The following ARHGAP32 variants were observed in gnomAD, a reference collection of about 807,000 sequenced individuals.
ARHGAP32 encodes Rho GTPase activating protein 32, also known as rho GTPase-activating protein 32.
In ARHGAP32, 51 loss-of-function variants were observed where a neutral mutation model predicts 186.5. That is an observed-to-expected ratio of 0.27 (90% confidence interval 0.22 to 0.35). ARHGAP32 has a LOEUF of 0.35. ARHGAP32 is among the 10% of genes least tolerant of loss of function. The pLI, the probability that ARHGAP32 is intolerant of heterozygous loss-of-function variation, is 1.00. For synonymous variants in ARHGAP32, 950 were observed against 964.3 expected, an observed-to-expected ratio of 0.99 and a Z score of 0.27; for missense variants, 2,186 against 2,623.5, an observed-to-expected ratio of 0.83 and a Z score of 3.64.
intron 1 of ARHGAP32, among the ~76,000 whole-genome samples, chr11:129,183,876 T>C (rs899970824): frequency 6.6e-6 from 1 of 152,160 alleles, no homozygotes; most frequent in Non-Finnish European, 1.5e-5. Flanking sequence ...CTTCCAATCC[T>C]AGACTGCATA....
intron 6 of ARHGAP32, among the ~76,000 whole-genome samples, chr11:129,069,754 A>C (rs1403846774): frequency 6.8e-6 from 1 of 146,248 alleles, no homozygotes; most frequent in Non-Finnish European, 1.5e-5. Flanking sequence ...TCAACTCCAA[A>C]CATGTGTACA....
chr11:129,033,017 T>C (rs1939178502), intron 11 of ARHGAP32, among the ~76,000 whole-genome samples: 1 of 152,254 alleles, frequency 6.6e-6, no homozygotes, highest in Admixed American at 6.5e-5. Flanking sequence ...TTGAACTCTC[T>C]ACATGTATAC....
intron 1 of ARHGAP32, among the ~76,000 whole-genome samples, chr11:129,263,914 GA>G (rs963208565): frequency 1.4e-4 from 22 of 152,060 alleles, no homozygotes; most frequent in African/African-American, 5.3e-4. Flanking sequence ...CTGAAAACAG[GA>G]ACTCAAAGAG....
At chr11:129,049,808 T>C (rs1460434786) in intron 10 of ARHGAP32, among the ~76,000 whole-genome samples, 1 of 152,212 alleles carries the variant, frequency 6.6e-6, no homozygotes, top group Non-Finnish European at 1.5e-5. Context: ...TTTCCAGTTT[T>C]AAACTATTAC....
chr11:129,173,957 A>C (rs1943834076), intron 1 of ARHGAP32, among the ~76,000 whole-genome samples: 2 of 152,218 alleles, frequency 1.3e-5, no homozygotes. Flanking sequence ...CCAAATAGGA[A>C]CAGCTCCGGT....
intron 11 of ARHGAP32, among the ~76,000 whole-genome samples, chr11:129,040,124 T>G (rs187315027): frequency 1.7e-5 from 2 of 114,778 alleles, no homozygotes; most frequent in East Asian, 4.9e-4. Context: ...AGAATAACTG[T>G]TTTTTTTTTC....
At chr11:129,153,306 G>A (rs2439806) in intron 2 of ARHGAP32, among the ~76,000 whole-genome samples, 1 of 151,842 alleles carries the variant, frequency 6.6e-6, no homozygotes, top group African/African-American at 2.4e-5. Context: ...ATGACCATAC[G>A]GCCAAAAGCA....
intron 1 of ARHGAP32, among the ~76,000 whole-genome samples, chr11:129,249,821 A>G (rs1263683411): frequency 6.6e-6 from 1 of 152,174 alleles, no homozygotes; most frequent in African/African-American, 2.4e-5. Context: ...CAGCAATACT[A>G]GAAACAGCAA....
At chr11:128,996,124 TTTG>T (rs1946193173) in intron 12 of ARHGAP32, among the ~76,000 whole-genome samples, 1 of 152,194 alleles carries the variant, frequency 6.6e-6, no homozygotes, top group African/African-American at 2.4e-5. Flanking sequence ...GAAAAATAGC[TTTG>T]TTATTTTAAT....
intron 1 of ARHGAP32, among the ~76,000 whole-genome samples, chr11:129,179,779 C>T (rs1183224315): frequency 2.0e-5 from 3 of 150,550 alleles, no homozygotes; most frequent in African/African-American, 7.3e-5. Context: ...GAACATCACA[C>T]TCTGGGGACT....
intron 10 of ARHGAP32, among the ~76,000 whole-genome samples, chr11:129,049,062 C>T (rs1031893724): frequency 6.6e-6 from 1 of 151,846 alleles, no homozygotes; most frequent in East Asian, 1.9e-4. Context: ...TTTTAAGTTC[C>T]TTCTGTAGGA....
At chr11:129,201,436 C>G (rs1255279462) in intron 1 of ARHGAP32, among the ~76,000 whole-genome samples, 2 of 152,014 alleles carry the variant, frequency 1.3e-5, no homozygotes, top group Non-Finnish European at 2.9e-5. Context: ...TAGAAAAATA[C>G]TATAACGGTA....
chr11:128,988,852 A>T (rs914524672), intron 12 of ARHGAP32, among the ~76,000 whole-genome samples: 10 of 152,252 alleles, frequency 6.6e-5, no homozygotes, highest in African/African-American at 9.6e-5. Flanking sequence ...CAGAATTTTC[A>T]AAATATATGA....
intron 1 of ARHGAP32, among the ~76,000 whole-genome samples, chr11:129,250,472 A>C (rs1242826753): frequency 6.6e-6 from 1 of 152,236 alleles, no homozygotes; most frequent in Non-Finnish European, 1.5e-5. Flanking sequence ...AGCCATGATG[A>C]ATAAGGACAG....
chr11:129,138,042 A>T (rs922178385), intron 2 of ARHGAP32, among the ~76,000 whole-genome samples: 2 of 152,050 alleles, frequency 1.3e-5, no homozygotes, highest in Non-Finnish European at 2.9e-5. Flanking sequence ...AAATTTATAG[A>T]TAAAAGAAAA....
intron 1 of ARHGAP32, among the ~76,000 whole-genome samples, chr11:129,168,678 C>T (rs1371069482): frequency 6.6e-6 from 1 of 152,090 alleles, no homozygotes; most frequent in Non-Finnish European, 1.5e-5. Context: ...ACACAGAACA[C>T]TAAACCCAAC....
chr11:129,263,798 T>C (rs1314187650), intron 1 of ARHGAP32, among the ~76,000 whole-genome samples: 1 of 152,026 alleles, frequency 6.6e-6, no homozygotes, highest in Non-Finnish European at 1.5e-5. Flanking sequence ...GAATATAAAA[T>C]GGTACAGCTG....
At chr11:129,016,801 G>A (rs887164877) in intron 11 of ARHGAP32, among the ~76,000 whole-genome samples, 2 of 152,104 alleles carry the variant, frequency 1.3e-5, no homozygotes, top group Non-Finnish European at 2.9e-5. Context: ...GATTATTTTG[G>A]AGGACAGACT....
chr11:129,173,532 G>A (rs1943820939), intron 1 of ARHGAP32, among the ~76,000 whole-genome samples: 1 of 151,952 alleles, frequency 6.6e-6, no homozygotes, highest in Admixed American at 6.6e-5. Context: ...AAAACTTCAG[G>A]CCAATACCTC....
Sources: gnomAD v4.1 joint callset for allele counts (sites outside exome capture counted in the v4.1 genomes callset) on GRCh38, gnomAD v4.1.1 for gene constraint, MANE v1.5 for transcripts, NCBI Gene and HGNC (gene_info 2026-07-23, HGNC 2026-07-21) for gene names.